Variants in STRN observed in about 807,000 individuals in gnomAD.
The protein encoded by STRN is protein phosphatase 2 regulatory subunit B'''alpha.
In STRN, 53 loss-of-function variants were observed where a neutral mutation model predicts 96.3. The observed-to-expected ratio is 0.55, with a 90% CI of 0.44 to 0.69. The LOEUF is 0.69. STRN is among the 30% of genes least tolerant of loss of function. The pLI is 0.00. For missense variants in STRN, 987 were observed against 963.9 expected (o/e 1.02, Z -0.32); for synonymous variants, 428 against 355.9 (o/e 1.20, Z -2.28).
intron 9 of STRN, among the ~76,000 whole-genome samples, chr2:36,883,236 C>T (rs1329232096): frequency 1.3e-5 from 2 of 152,150 alleles, no homozygotes; most frequent in African/African-American, 4.8e-5. Flanking sequence ...GGGCAGATCA[C>T]TTGAGGTCAG....
Position 36,841,537 on chromosome 2 carries a change from T to C in STRN, c.*7919A>G, listed in dbSNP as rs935439325. On this transcript the variant is annotated 3_prime_UTR_variant, in exon 18 of 18. Coordinates refer to ENST00000263918, the MANE Select transcript of STRN (RefSeq NM_003162.4). ...CGTGGGCTATCGAAAAAGATGTAAG[T>C]ACATTTTAAAAATGTTTTTAAAAGC... 3 of 152,208 alleles carry C rather than the reference T, an allele frequency of 2.0e-5. No individual in the cohort carries two copies. Among genetic ancestry groups the C allele is most frequent in the Admixed American group, 6.5e-5 (1 of 15,268 alleles). The allele number at this position is 152,208 out of a possible 1,614,324, so 9.4% of individuals were successfully genotyped here.
chr2:36,876,682 A>G (rs1018611660), intron 10 of STRN, among the ~76,000 whole-genome samples: 2 of 152,182 alleles, frequency 1.3e-5, no homozygotes, highest in Non-Finnish European at 2.9e-5. Context: ...GCAGGTTATA[A>G]ATACTTCACC....
rs1476971241 is a variant in STRN, at chr2:36,905,576, T to G, written c.455A>C (p.Gln152Pro). ...TTGTCGACCTTGTTTCCACATTAAC[T>G]GGCTGTTTTGTTGTGGCTGCACTTC... ...ETEVQPQQNSQLMWKQGRQLL... is the reference protein window; with the variant it reads ...ETEVQPQQNSPLMWKQGRQLL... Residue 152 changes from glutamine (Q) to proline (P), a missense_variant, in exon 4 of 18, where the codon CAG becomes CCG. Coordinates refer to ENST00000263918, the MANE Select transcript of STRN (RefSeq NM_003162.4). 1.9e-6 allele frequency: 3 copies of G among 1,613,600 alleles called. No individual in the cohort carries two copies. The African/African-American group carries it at 4.0e-5, about 21-fold the overall frequency.
chr2:36,949,072 T>G (rs1231435314), intron 1 of STRN, among the ~76,000 whole-genome samples: 1 of 152,246 alleles, frequency 6.6e-6, no homozygotes, highest in African/African-American at 2.4e-5. Context: ...ATAATTTGGC[T>G]GTACCTTCTC....
At chr2:36,868,547 T>C (rs1166399215) in intron 11 of STRN, among the ~76,000 whole-genome samples, 2 of 152,244 alleles carry the variant, frequency 1.3e-5, no homozygotes, top group East Asian at 1.9e-4. Context: ...CTACACTGTA[T>C]CGCAGTTACG....
rs564930116 is a variant in STRN at position 36,840,908 on chromosome 2, A to G, written c.*8548T>C. The G allele has an allele frequency of 1.3e-5, 2 of 152,296 alleles. No homozygotes were observed. The highest frequency in any genetic ancestry group is 4.1e-4 in the South Asian group (2 of 4,826). 9.4% of individuals were successfully genotyped at this position (152,296 alleles called of 1,614,324 possible). ...AGGAGATAAACATCACATATTCCTT[A>G]TTAATCTTTGTATTCCAAAAATAAT... On this transcript the variant is annotated 3_prime_UTR_variant, in exon 18 of 18. Transcript: ENST00000263918.
chr2:36,899,778 A>G, intron 5 of STRN, 120 bp from the exon 6 acceptor site: 1 of 908,332 alleles, frequency 1.1e-6, no homozygotes, highest in South Asian at 2.1e-5. Flanking sequence ...AAATCACATT[A>G]TCTACATTGA....
intron 1 of STRN, among the ~76,000 whole-genome samples, chr2:36,957,730 G>C (rs1468467199): frequency 7.6e-6 from 1 of 131,878 alleles, no homozygotes; most frequent in African/African-American, 2.7e-5. Context: ...TAGTCTCATA[G>C]TTCTTCTTTT....
At chr2:36,957,741 TG>T (rs1304495316) in intron 1 of STRN, among the ~76,000 whole-genome samples, 3 of 135,534 alleles carry the variant, frequency 2.2e-5, no homozygotes, top group African/African-American at 8.2e-5. Context: ...TTCTTCTTTT[TG>T]TCTTTTTTTT....
At chr2:36,947,464 T>C (rs1285959737) in intron 1 of STRN, among the ~76,000 whole-genome samples, 1 of 151,286 alleles carries the variant, frequency 6.6e-6, no homozygotes, top group African/African-American at 2.4e-5. Flanking sequence ...ACTAAGTATA[T>C]TAAATCTTAA....
At chr2:36,954,539 A>G in intron 1 of STRN, among the ~76,000 whole-genome samples, 1 of 150,034 alleles carries the variant, frequency 6.7e-6, no homozygotes, top group Non-Finnish European at 1.5e-5. Flanking sequence ...AAAAAAAAAG[A>G]GCTCCAAATT....
intron 10 of STRN, among the ~76,000 whole-genome samples, chr2:36,871,571 T>C (rs1331906255): frequency 1.3e-5 from 2 of 152,208 alleles, no homozygotes; most frequent in East Asian, 1.9e-4. Flanking sequence ...ATGACTGTAC[T>C]GGTTAAAGAC....
chr2:36,884,983 T>C (rs1465134184), intron 8 of STRN, among the ~76,000 whole-genome samples: 5 of 152,162 alleles, frequency 3.3e-5, no homozygotes, highest in Non-Finnish European at 5.9e-5. Context: ...TGTGCTGAAA[T>C]GTGTAGTCCC....
At chr2:36,884,652 G>A (rs963586643) in intron 8 of STRN, among the ~76,000 whole-genome samples, 5 of 152,064 alleles carry the variant, frequency 3.3e-5, no homozygotes, top group East Asian at 1.9e-4. Context: ...CCCAAAGTCT[G>A]TTATGGTTTG....
chr2:36,906,851 G>T (rs1277075239), intron 3 of STRN, among the ~76,000 whole-genome samples: 1 of 152,068 alleles, frequency 6.6e-6, no homozygotes, highest in African/African-American at 2.4e-5. Context: ...AACCCAAGAA[G>T]CGGAGGTTGC....
At chr2:36,899,950 C>T (rs945031849) in intron 5 of STRN, among the ~76,000 whole-genome samples, 3 of 152,144 alleles carry the variant, frequency 2.0e-5, no homozygotes, top group Non-Finnish European at 2.9e-5. Context: ...AGTGCAGTAG[C>T]ATGATCTAAC....
intron 12 of STRN, among the ~76,000 whole-genome samples, chr2:36,864,865 A>G (rs552805131): frequency 6.6e-6 from 1 of 152,254 alleles, no homozygotes; most frequent in Admixed American, 6.5e-5. Flanking sequence ...GGCACCTGCC[A>G]CCACGCCCAG....
intron 2 of STRN, among the ~76,000 whole-genome samples, chr2:36,918,190 T>A (rs773108100): frequency 9.2e-5 from 14 of 152,198 alleles, no homozygotes; most frequent in Non-Finnish European, 1.6e-4. Flanking sequence ...TTTGCCCATC[T>A]AGTTCAATGT....
intron 9 of STRN, among the ~76,000 whole-genome samples, chr2:36,882,094 G>A (rs1375327299): frequency 6.6e-6 from 1 of 151,830 alleles, no homozygotes; most frequent in East Asian, 1.9e-4. Flanking sequence ...ACCATGTACT[G>A]GTCAAAAATT....
Sources: gnomAD v4.1 joint callset for allele counts (sites outside exome capture counted in the v4.1 genomes callset) on GRCh38, gnomAD v4.1.1 for gene constraint, MANE v1.5 for transcripts, NCBI Gene and HGNC (gene_info 2026-07-23, HGNC 2026-07-21) for gene names.